Variants in MYO7B observed in about 807,000 individuals in gnomAD.
The protein encoded by MYO7B is myosin VIIB, also known as unconventional myosin-VIIb.
In MYO7B, 212 loss-of-function variants were observed where a neutral mutation model predicts 259.7. The ratio of observed to expected loss-of-function variants is 0.82; its 90% CI spans 0.73 to 0.91. MYO7B has a LOEUF of 0.91. Among genes scored for constraint, MYO7B ranks in the 40% least tolerant of loss-of-function variants. The pLI, the probability that MYO7B is intolerant of heterozygous loss-of-function variation, is 0.00. For missense variants in MYO7B, 2,732 were observed against 2,813.5 expected, an observed-to-expected ratio of 0.97 and a Z score of 0.66; for synonymous variants, 1,197 against 1,166.4, an observed-to-expected ratio of 1.03 and a Z score of -0.54.
At chr2:127,605,743 T>C in intron 19 of MYO7B, 101 bp from the exon 20 acceptor site, 1 of 989,418 alleles carries the variant, frequency 1.0e-6, no homozygotes. Context: ...TTTTTCCCAA[T>C]ATTTCACTAA....
intron 1 of MYO7B, among the ~76,000 whole-genome samples, chr2:127,554,430 C>A (rs999475886): frequency 3.3e-5 from 5 of 152,214 alleles, no homozygotes; most frequent in Non-Finnish European, 5.9e-5. Flanking sequence ...TGGTATAAAA[C>A]CCACTTGATC....
At chr2:127,547,028 C>T (rs997630353) in intron 1 of MYO7B, among the ~76,000 whole-genome samples, 3 of 152,070 alleles carry the variant, frequency 2.0e-5, no homozygotes, top group African/African-American at 7.2e-5. Context: ...ATCCATCCAA[C>T]TACCCATACA....
chr2:127,635,782 G>A lies in MYO7B; in HGVS notation c.5881G>A (p.Ala1961Thr), dbSNP rs1469138586. The change falls in exon 44 of 48, where the codon GCG (alanine) becomes ACG (threonine). Residue 1961 changes from alanine to threonine, a missense_variant. Coordinates refer to ENST00000409816, the MANE Select transcript of MYO7B (RefSeq NM_001393586.1). ...TTCGCGGGAGGATGCCATCCACCTG[G>A]CGGGCCTCATCTACAAGGCCCAGTT... is the stretch of plus-strand genomic sequence containing the variant. Reference protein sequence around the residue: ...KCSREDAIHLAGLIYKAQFNN... With the variant: ...KCSREDAIHLTGLIYKAQFNN... The A allele has an allele frequency of 1.3e-6, 2 of 1,598,970 alleles. No individual in the cohort carries two copies. Among genetic ancestry groups the A allele is most frequent in the South Asian group, 1.1e-5 (1 of 88,296 alleles).
At chr2:127,602,516 G>A (rs947193889) in intron 19 of MYO7B, among the ~76,000 whole-genome samples, 5 of 152,248 alleles carry the variant, frequency 3.3e-5, no homozygotes, top group Middle Eastern at 6.8e-3. Flanking sequence ...TCTGGGCATG[G>A]TGGTGCATGC....
At chr2:127,595,669 T>C (rs1307897519) in intron 18 of MYO7B, among the ~76,000 whole-genome samples, 1 of 152,254 alleles carries the variant, frequency 6.6e-6, no homozygotes, top group Non-Finnish European at 1.5e-5. Context: ...GTATGTTGTC[T>C]CTTTGTTCTA....
rs528867052 is a variant in MYO7B at position 127,578,191 on chromosome 2, C to T, written c.908C>T (p.Ser303Leu). The T allele has an allele frequency of 6.2e-6, 10 of 1,613,820 alleles. No homozygotes were observed. In the East Asian group the frequency reaches 8.9e-5, roughly 14 times the overall value. ...NDAKDYAHIR[S>L]AMKILQFSDS... Reference sequence around the variant, plus strand: ...GCCAAGGACTACGCCCACATCCGCTCGGCCATGAAGATCCTCCAGTTCTCC... The same window carrying T: ...GCCAAGGACTACGCCCACATCCGCTTGGCCATGAAGATCCTCCAGTTCTCC... The change falls in exon 9 of 48, where the codon TCG becomes TTG. Residue 303 changes from serine (S) to leucine (L), a missense_variant. Ser to Leu is a moderately radical substitution (Grantham distance 145). Around this residue, in one of 3 missense-constraint regions of MYO7B, gnomAD observed 1,906 missense variants for 2,026.4 expected, o/e 0.94. Transcript: ENST00000409816.
chr2:127,574,096 G>A, intron 7 of MYO7B, 34 bp downstream of exon 7: 1 of 1,611,628 alleles, frequency 6.2e-7, no homozygotes, highest in Non-Finnish European at 8.5e-7. Context: ...CGGGAGTTGA[G>A]GGAATGGGGG....
rs1314946521 is a variant in MYO7B at position 127,628,486 on chromosome 2, G to A, written c.4575G>A (p.Leu1525=). The change falls in exon 34 of 48, where the codon CTG becomes CTA. Residue 1525 remains leucine (L), a synonymous_variant. Transcript: ENST00000409816. This position sits in a 1 kb window ranked among gnomAD's most constrained non-coding sequence, Gnocchi z 4.8. ...TGGTGGCCCTGTTCCTGGAGGGCCT[G>A]AAGGAGAGGTCCATTTTCGCCATGG... ...AELVALFLEG[L]KERSIFAMAL... is the part of the protein sequence containing the mutation. 6 of 1,551,392 alleles carry A rather than the reference G, an allele frequency of 3.9e-6. No homozygotes were observed. The highest frequency in any genetic ancestry group is 4.4e-6 in the Non-Finnish European group (5 of 1,148,832).
At chr2:127,610,154 C>A in intron 24 of MYO7B, 138 bp downstream of exon 24, 1 of 1,195,608 alleles carries the variant, frequency 8.4e-7, no homozygotes, top group Non-Finnish European at 1.1e-6. Flanking sequence ...GGAACCCAGC[C>A]CCCAGGCCAT....
chr2:127,635,429 C>T (rs2105151815), intron 43 of MYO7B: 3 of 630,482 alleles, frequency 4.8e-6, no homozygotes, highest in Non-Finnish European at 8.3e-6. Context: ...TGCACTGGCA[C>T]CTGCAGCATG....
chr2:127,588,710 T>A (rs1289079853), intron 15 of MYO7B, among the ~76,000 whole-genome samples, 155 bp downstream of exon 15: 1 of 143,514 alleles, frequency 7.0e-6, no homozygotes, highest in Non-Finnish European at 1.5e-5. Flanking sequence ...GGTGAATGGA[T>A]GGGTGGGTGG....
Position 127,584,658 on chromosome 2 carries a change from C to A in MYO7B, c.1555-120C>A. On this transcript the variant is annotated intron_variant, in intron 13 of 47. Coordinates refer to ENST00000409816, the MANE Select transcript of MYO7B (RefSeq NM_001393586.1). The surrounding 1 kb of genome is among the most constrained non-coding windows in gnomAD (Gnocchi z 5.8). Reference sequence around the variant, plus strand: ...CCTGGGCATTAGTTTCCTGTCTGTACAAAGGCCCTCAATCATTCTGAGCCC... The same window carrying A: ...CCTGGGCATTAGTTTCCTGTCTGTAAAAAGGCCCTCAATCATTCTGAGCCC... The A allele has an allele frequency of 8.1e-7, 1 of 1,237,578 alleles. No homozygotes were observed. The highest frequency in any genetic ancestry group is 1.4e-5 in the South Asian group (1 of 69,686). 76.7% of individuals were successfully genotyped at this position (1,237,578 alleles called of 1,614,324 possible).
intron 27 of MYO7B, among the ~76,000 whole-genome samples, chr2:127,621,660 G>C (rs1475645923): frequency 6.6e-6 from 1 of 152,218 alleles, no homozygotes. Context: ...CTGGGGTTGG[G>C]GGTGGGCATT....
At chr2:127,600,747 G>A (rs1679939111) in intron 19 of MYO7B, among the ~76,000 whole-genome samples, 2 of 152,214 alleles carry the variant, frequency 1.3e-5, no homozygotes, top group South Asian at 2.1e-4. Flanking sequence ...AAACATTCTT[G>A]TCCTTTTCAA....
At position 127,614,122 on chromosome 2, in the gene MYO7B, C is replaced by T. The variant is rs1457982858; in HGVS notation, c.3398+1519C>T. Among the ~76,000 whole-genome samples, 2 of 152,140 alleles carry T rather than the reference C, an allele frequency of 1.3e-5. No homozygotes were observed. The highest frequency in any genetic ancestry group is 4.8e-5 in the African/African-American group (2 of 41,436). On this transcript the variant is annotated intron_variant, in intron 26 of 47. Coordinates refer to ENST00000409816, the MANE Select transcript of MYO7B (RefSeq NM_001393586.1). This position sits in a 1 kb window ranked among gnomAD's most constrained non-coding sequence, Gnocchi z 4.6. ...CTCACTGGCCACCACACCACACCCTCCAATATGGCAGACACATAAAAGCTA... is the reference window on the plus strand; with the variant it reads ...CTCACTGGCCACCACACCACACCCTTCAATATGGCAGACACATAAAAGCTA...
rs193069171 is a variant in MYO7B, at chr2:127,574,029, A to G, written c.702A>G (p.Gln234=). 1,793 of 1,613,950 alleles carry G rather than the reference A, an allele frequency of 1.1e-3. 18 individuals carry two copies. The African/African-American group carries it at 0.021, about 19-fold the overall frequency. ...SGVIEGARIE[Q]FLLEKSRVCR... ...TGATCGAGGGCGCGCGCATCGAGCA[A>G]TTTCTCCTGGAGAAGTCCCGGGTCT... is the stretch of plus-strand genomic sequence containing the variant. Residue 234 remains glutamine (Q), a synonymous_variant, in exon 7 of 48, where the codon CAA becomes CAG. Coordinates refer to ENST00000409816, the MANE Select transcript of MYO7B (RefSeq NM_001393586.1).
chr2:127,605,927 T>C lies in MYO7B; in HGVS notation c.2423T>C (p.Leu808Pro). Residue 808 changes from leucine (L) to proline (P), a missense_variant and splice_region_variant, in exon 20 of 48, where the codon CTG becomes CCG. Around this residue, in one of 3 missense-constraint regions of MYO7B, gnomAD observed 1,906 missense variants for 2,026.4 expected, o/e 0.94. Transcript: ENST00000409816. ...RGYCNRRNFKLILVGFERLQA... is the reference protein window; with the variant it reads ...RGYCNRRNFKPILVGFERLQA... Reference sequence around the variant, plus strand: ...TACTGCAACAGGAGGAATTTCAAGCTGGTGAGAGAGCTCTCTGGGGCGGCT... The same window carrying C: ...TACTGCAACAGGAGGAATTTCAAGCCGGTGAGAGAGCTCTCTGGGGCGGCT... 1 of 1,605,554 alleles carries C rather than the reference T, an allele frequency of 6.2e-7. No homozygotes were observed. The highest frequency in any genetic ancestry group is 8.5e-7 in the Non-Finnish European group (1 of 1,178,134).
chr2:127,605,982 G>A, intron 20 of MYO7B, 54 bp downstream of exon 20: 1 of 1,423,942 alleles, frequency 7.0e-7, no homozygotes, highest in Non-Finnish European at 9.8e-7. Flanking sequence ...TAACTGTCCA[G>A]TAAAAGACAG....
intron 9 of MYO7B, among the ~76,000 whole-genome samples, 198 bp from the exon 10 acceptor site, chr2:127,580,548 C>T (rs1679057556): frequency 6.6e-6 from 1 of 152,224 alleles, no homozygotes; most frequent in Non-Finnish European, 1.5e-5. Context: ...CGTTCATCAA[C>T]AGCTAAGGTG....
Sources: allele counts gnomAD v4.1 joint callset (sites outside exome capture counted in the v4.1 genomes callset), GRCh38; gene constraint gnomAD v4.1.1; regional missense constraint gnomAD v4.1.1; non-coding constraint Gnocchi (gnomAD v3.1); transcripts MANE v1.5; gene names NCBI Gene and HGNC (gene_info 2026-07-23, HGNC 2026-07-21).